Variants in EIF3D observed in about 807,000 individuals in gnomAD.
EIF3D encodes eukaryotic translation initiation factor 3 subunit D.
EIF3D carries 10 observed loss-of-function variants against 75.4 expected under a neutral mutation model. The observed-to-expected ratio is 0.13, with a 90% CI of 0.08 to 0.22. The LOEUF is 0.22. Among genes scored for constraint, EIF3D ranks in the 10% least tolerant of loss-of-function variants. The pLI, the probability that EIF3D is intolerant of heterozygous loss-of-function variation, is 1.00. For missense variants in EIF3D, 394 were observed against 708.0 expected, an observed-to-expected ratio of 0.56 and a Z score of 5.03; for synonymous variants, 246 against 248.3, an observed-to-expected ratio of 0.99 and a Z score of 0.09.
intron 6 of EIF3D, among the ~76,000 whole-genome samples, chr22:36,522,660 G>A (rs1313684663): frequency 2.0e-5 from 3 of 151,136 alleles, no homozygotes; most frequent in African/African-American, 7.4e-5. Context: ...TGGGCTACTG[G>A]GGGTGCTGGT....
chr22:36,515,725 G>C (rs953564385), intron 12 of EIF3D, among the ~76,000 whole-genome samples: 2 of 152,140 alleles, frequency 1.3e-5, no homozygotes, highest in East Asian at 1.9e-4. Context: ...CATGCAAACG[G>C]AACAGGGAAA....
chr22:36,511,812 T>C, intron 13 of EIF3D, 26 bp from the exon 14 acceptor site: 7 of 1,606,896 alleles, frequency 4.4e-6, no homozygotes, highest in Non-Finnish European at 6.0e-6. Flanking sequence ...ATATCAGTGG[T>C]CAGAGCAGGG....
intron 12 of EIF3D, among the ~76,000 whole-genome samples, chr22:36,513,474 T>C (rs1934373963): frequency 6.6e-6 from 1 of 152,098 alleles, no homozygotes; most frequent in African/African-American, 2.4e-5. Context: ...AGCCAATTTT[T>C]GTATTTTTGG....
intron 10 of EIF3D, 89 bp from the exon 11 acceptor site, chr22:36,516,879 C>A: frequency 8.1e-7 from 1 of 1,237,836 alleles, no homozygotes; most frequent in South Asian, 1.2e-5. Flanking sequence ...TGCTTAGTTG[C>A]AGCCCTGGCC....
chr22:36,511,310 T>C (rs1934331176), intron 14 of EIF3D, 193 bp downstream of exon 14: 3 of 1,169,332 alleles, frequency 2.6e-6, no homozygotes, highest in South Asian at 3.2e-5. Flanking sequence ...AACACCGCTA[T>C]CCTCCCCAAC....
At chr22:36,523,633 G>A (rs980063464) in intron 5 of EIF3D, among the ~76,000 whole-genome samples, 12 of 152,286 alleles carry the variant, frequency 7.9e-5, no homozygotes, top group African/African-American at 2.4e-4. Flanking sequence ...CTGAGCCCAG[G>A]TAAGCTCCAG....
chr22:36,519,412 A>G lies in EIF3D; in HGVS notation c.704T>C (p.Ile235Thr). The change falls in exon 8 of 15, where the codon ATC (isoleucine) becomes ACC (threonine). Residue 235 changes from isoleucine to threonine, a missense_variant. Ile to Thr is a moderately conservative substitution (Grantham distance 89, BLOSUM62 -1). Coordinates refer to ENST00000216190, the MANE Select transcript of EIF3D (RefSeq NM_003753.4). ...HTVTTTDDPVIRKLAKTQGNV... is the reference protein window; with the variant it reads ...HTVTTTDDPVTRKLAKTQGNV... ...GCAGAAGGAGGCGCACACCTTGCGGATGACAGGGTCGTCTGTGGTGGTGAC... is the reference window on the plus strand; with the variant it reads ...GCAGAAGGAGGCGCACACCTTGCGGGTGACAGGGTCGTCTGTGGTGGTGAC... 6.2e-7 allele frequency: 1 copy of G among 1,614,188 alleles called. No individual in the cohort carries two copies. The highest frequency in any genetic ancestry group is 8.5e-7 in the Non-Finnish European group (1 of 1,180,030).
rs1934657850 is a variant in EIF3D, at chr22:36,529,080, A to G, written c.-15T>C. 4 of 390,674 alleles carry G rather than the reference A, an allele frequency of 1.0e-5. No individual in the cohort carries two copies. In the East Asian group the frequency reaches 1.4e-4, roughly 14 times the overall value. 24.2% of individuals were successfully genotyped at this position (390,674 alleles called of 1,614,324 possible). On this transcript the variant is annotated 5_prime_UTR_variant, in exon 1 of 15. Transcript: ENST00000216190. The stretch of plus-strand genomic sequence containing the variant: ...CCTATGAAACACGCCGCTCACCTGC[A>G]ATGGCCTCGGCCGGCCGGGATGGCA...
At chr22:36,516,039 T>A (rs1274483727) in intron 12 of EIF3D, 2 of 155,642 alleles carry the variant, frequency 1.3e-5, no homozygotes, top group Admixed American at 6.5e-5. Context: ...GCAAAAAATG[T>A]GTGAAAAGAT....
At chr22:36,515,904 G>C (rs1255339952) in intron 12 of EIF3D, among the ~76,000 whole-genome samples, 1 of 132,076 alleles carries the variant, frequency 7.6e-6, no homozygotes, top group Non-Finnish European at 1.6e-5. Context: ...CGGGGGGGCG[G>C]ATTGGGAGGG....
intron 12 of EIF3D, chr22:36,512,858 GACACACACACAC>G (rs67441722): frequency 1.5e-5 from 5 of 343,698 alleles, no homozygotes; most frequent in African/African-American, 4.3e-5. Context: ...GACACACACG[GACACACACACAC>G]ACACACACAC....
At chr22:36,515,649 T>C (rs1045474489) in intron 12 of EIF3D, among the ~76,000 whole-genome samples, 1 of 152,178 alleles carries the variant, frequency 6.6e-6, no homozygotes, top group Non-Finnish European at 1.5e-5. Context: ...CAGAAGTATG[T>C]ATGGCGAAGA....
At chr22:36,523,155 A>C (rs752355221) in intron 6 of EIF3D, 54 bp downstream of exon 6, 3 of 1,428,650 alleles carry the variant, frequency 2.1e-6, no homozygotes, top group Non-Finnish European at 3.0e-6. Context: ...TAATAAAGAC[A>C]ACCAAATAAA....
intron 5 of EIF3D, among the ~76,000 whole-genome samples, 198 bp downstream of exon 5, chr22:36,523,697 A>T (rs1375907799): frequency 6.6e-6 from 1 of 151,946 alleles, no homozygotes; most frequent in Non-Finnish European, 1.5e-5. Flanking sequence ...CAGCACAAGG[A>T]GTTAGTTTCC....
intron 13 of EIF3D, 50 bp downstream of exon 13, chr22:36,512,410 G>A: frequency 6.2e-7 from 1 of 1,609,458 alleles, no homozygotes. Context: ...TCCCTACCCA[G>A]ACCCTTCCTT....
Position 36,516,604 on chromosome 22 carries a change from G to A in EIF3D, c.1080C>T (p.Tyr360=), listed in dbSNP as rs1252563351. ...KNEIASVAYR[Y]RRWKLGDDID... is the part of the protein sequence containing the mutation. ...TATCATCTCCAAGCTTCCACCTGCG[G>A]TAACTGCAGCAAAAAAGAAACTCAT... is the stretch of plus-strand genomic sequence containing the variant. Residue 360 remains tyrosine (Y), a synonymous_variant, in exon 12 of 15, where the codon TAC becomes TAT. Transcript: ENST00000216190. The A allele has an allele frequency of 1.9e-6, 3 of 1,613,954 alleles. No individual in the cohort carries two copies. Among genetic ancestry groups the A allele is most frequent in the African/African-American group, 2.7e-5 (2 of 74,942 alleles).
intron 2 of EIF3D, 112 bp from the exon 3 acceptor site, chr22:36,525,821 C>T: frequency 6.8e-7 from 1 of 1,478,902 alleles, no homozygotes; most frequent in Non-Finnish European, 9.2e-7. Context: ...AGAATTTGTT[C>T]ACAACACCTC....
chr22:36,524,124 C>A, intron 4 of EIF3D, 144 bp from the exon 5 acceptor site: 1 of 817,320 alleles, frequency 1.2e-6, no homozygotes, highest in South Asian at 1.5e-5. Context: ...TCTACGGCAT[C>A]AACAGCTTGG....
intron 14 of EIF3D, chr22:36,511,274 CT>C (rs1934330059): frequency 1.3e-5 from 12 of 903,972 alleles, no homozygotes; most frequent in Non-Finnish European, 1.9e-5. Context: ...TCCTCTACCT[CT>C]GCCACAGTCC....
Sources: gnomAD v4.1 joint callset for allele counts (sites outside exome capture counted in the v4.1 genomes callset) on GRCh38, gnomAD v4.1.1 for gene constraint, MANE v1.5 for transcripts, NCBI Gene and HGNC (gene_info 2026-07-23, HGNC 2026-07-21) for gene names.